PCNX1: variants seen among roughly 807,000 people sequenced by gnomAD.
PCNX1 encodes the protein pecanex-like protein 1.
PCNX1 carries 78 observed loss-of-function variants against 242.2 expected under a neutral mutation model. The ratio of observed to expected loss-of-function variants is 0.32; its 90% CI spans 0.27 to 0.39. The LOEUF is 0.39. Ranked by LOEUF, PCNX1 falls within the 10% of genes least tolerant of loss-of-function variation. The probability of loss-of-function intolerance (pLI) is 1.00; values close to 1 mark genes in which losing one functional copy is unlikely to be tolerated. For synonymous variants in PCNX1, 1,024 were observed against 1,032.9 expected (o/e 0.99, Z 0.17); for missense variants, 2,581 against 2,856.5 (o/e 0.90, Z 2.20).
intron 2 of PCNX1, among the ~76,000 whole-genome samples, chr14:70,954,089 G>A (rs574528104): frequency 4.9e-4 from 75 of 152,196 alleles, no homozygotes; most frequent in Non-Finnish European, 7.9e-4. Context: ...ATTTAAGTCT[G>A]TAGTATCAGG....
chr14:71,046,477 A>G (rs938916580), intron 20 of PCNX1, among the ~76,000 whole-genome samples: 11 of 152,164 alleles, frequency 7.2e-5, no homozygotes, highest in Admixed American at 4.6e-4. Context: ...TCCTAAAGCC[A>G]GGTGATGCTA....
chr14:71,057,255 C>G (rs140799923), intron 25 of PCNX1, among the ~76,000 whole-genome samples: 1 of 152,216 alleles, frequency 6.6e-6, no homozygotes, highest in African/African-American at 2.4e-5. Context: ...CCTTAGATTG[C>G]TTCAAATCAA....
In PCNX1 at chr14:71,057,561, C is replaced by T. The variant is rs2061216251; in HGVS notation, c.4689C>T (p.Ser1563=). 1 of 1,613,430 alleles carries T rather than the reference C, an allele frequency of 6.2e-7. No homozygotes were observed. The highest frequency in any genetic ancestry group is 1.7e-5 in the Admixed American group (1 of 60,004). The change falls in exon 26 of 36, where the codon TCC becomes TCT. Residue 1563 remains serine (S), a synonymous_variant. Transcript: ENST00000304743. The part of the protein sequence containing the change: ...NSIFYEHLTR[S]LQHSLCGDLL... ...TCTTTTATGAGCATTTAACTAGATC[C>T]CTACAGCACAGCCTCTGTGGTGATT...
intron 26 of PCNX1, among the ~76,000 whole-genome samples, 188 bp from the exon 27 acceptor site, chr14:71,073,357 A>G (rs182349119): frequency 7.2e-5 from 11 of 152,360 alleles, no homozygotes; most frequent in Non-Finnish European, 1.5e-4. Context: ...TTTGCAGGAT[A>G]TGAATATAGA....
intron 28 of PCNX1, among the ~76,000 whole-genome samples, chr14:71,079,224 C>G (rs1163998958): frequency 1.1e-4 from 17 of 152,090 alleles, no homozygotes; most frequent in African/African-American, 3.9e-4. Context: ...GTATATGTGT[C>G]ACATTTTATC....
At chr14:70,924,633 G>A (rs921678301) in intron 1 of PCNX1, among the ~76,000 whole-genome samples, 1 of 151,760 alleles carries the variant, frequency 6.6e-6, no homozygotes, top group African/African-American at 2.4e-5. Context: ...TCTCACCCAG[G>A]CTGGAGTGCA....
At chr14:70,979,418 T>A (rs1248856095) in intron 6 of PCNX1, among the ~76,000 whole-genome samples, 2 of 152,102 alleles carry the variant, frequency 1.3e-5, no homozygotes, top group African/African-American at 2.4e-5. Flanking sequence ...TGTGTTGGCC[T>A]CTTTATTTCA....
At chr14:71,085,064 C>T (rs369336371) in intron 28 of PCNX1, among the ~76,000 whole-genome samples, 1 of 152,218 alleles carries the variant, frequency 6.6e-6, no homozygotes, top group Admixed American at 6.5e-5. Flanking sequence ...CCTCACGGCA[C>T]GGTCCATCAC....
chr14:71,016,069 A>T (rs1326287711), intron 11 of PCNX1, among the ~76,000 whole-genome samples: 6 of 152,216 alleles, frequency 3.9e-5, no homozygotes, highest in Non-Finnish European at 1.5e-5. Flanking sequence ...GGAAAAAGAT[A>T]TACCATGCTA....
Position 71,088,393 on chromosome 14 carries a change from C to T in PCNX1, c.5401C>T (p.Arg1801Trp), listed in dbSNP as rs2062046010. The change falls in exon 29 of 36, where the codon CGG (arginine) becomes TGG (tryptophan). Residue 1801 changes from arginine to tryptophan, a missense_variant. Coordinates refer to ENST00000304743, the MANE Select transcript of PCNX1 (RefSeq NM_014982.3). ...CTGTTATGGACTCTGTGTTCTGGGA[C>T]GGAGAGCTTTGGGGACTGCATCCCA... ...TLCYGLCVLG[R>W]RALGTASHHM... is the part of the protein sequence containing the mutation. 1.2e-6 allele frequency: 2 copies of T among 1,611,566 alleles called. No individual in the cohort carries two copies. Among genetic ancestry groups the T allele is most frequent in the Non-Finnish European group, 8.5e-7 (1 of 1,177,956 alleles).
chr14:70,951,719 T>A (rs2057787872), intron 2 of PCNX1, among the ~76,000 whole-genome samples: 1 of 152,176 alleles, frequency 6.6e-6, no homozygotes, highest in East Asian at 1.9e-4. Flanking sequence ...TACTTACTTT[T>A]GTGAGATATC....
chr14:71,042,679 A>G (rs1384588775), intron 19 of PCNX1, among the ~76,000 whole-genome samples: 2 of 151,882 alleles, frequency 1.3e-5, no homozygotes, highest in Non-Finnish European at 2.9e-5. Flanking sequence ...ACACATCTGG[A>G]CAGTCTATAT....
At chr14:71,016,595 C>G (rs1422229851) in intron 11 of PCNX1, among the ~76,000 whole-genome samples, 1 of 152,100 alleles carries the variant, frequency 6.6e-6, no homozygotes, top group African/African-American at 2.4e-5. Flanking sequence ...TTGGAAAATT[C>G]CCAAATATTT....
At chr14:70,936,955 C>T (rs75666450) in intron 1 of PCNX1, among the ~76,000 whole-genome samples, 4,312 of 152,210 alleles carry the variant, frequency 0.028, 101 homozygotes, top group Non-Finnish European at 0.04. Context: ...TGTGTATATC[C>T]TTTGCCCACT....
At position 71,068,362 on chromosome 14, in the gene PCNX1, A is replaced by G. The variant is rs139925946; in HGVS notation, c.4853-5183A>G. ...TATATATATGTGTATATATATGTAT[A>G]CATACATGTATACATATATGTGTGT... is the stretch of plus-strand genomic sequence containing the variant. On this transcript the variant is annotated intron_variant, in intron 26 of 35. Coordinates refer to ENST00000304743, the MANE Select transcript of PCNX1 (RefSeq NM_014982.3). Among the ~76,000 whole-genome samples the G allele has an allele frequency of 2.2e-3, 339 of 151,094 alleles. 2 individuals are homozygous for G. Among genetic ancestry groups the G allele is most frequent in the African/African-American group, 7.9e-3 (326 of 41,270 alleles).
chr14:71,063,974 G>A (rs1427144276), intron 26 of PCNX1, among the ~76,000 whole-genome samples: 1 of 152,036 alleles, frequency 6.6e-6, no homozygotes, highest in Non-Finnish European at 1.5e-5. Flanking sequence ...ACTGATAAGT[G>A]TAAACTGTAC....
At chr14:70,916,686 T>G (rs1460339823) in intron 1 of PCNX1, among the ~76,000 whole-genome samples, 1 of 152,184 alleles carries the variant, frequency 6.6e-6, no homozygotes, top group Non-Finnish European at 1.5e-5. Flanking sequence ...GAGTTGTCAT[T>G]TTTTTGCTGG....
chr14:71,107,887 T>C (rs913608041), intron 33 of PCNX1, among the ~76,000 whole-genome samples: 12 of 152,362 alleles, frequency 7.9e-5, no homozygotes, highest in African/African-American at 2.9e-4. Flanking sequence ...CATGTTTTGA[T>C]ATGTGAATAT....
chr14:71,107,424 A>C (rs963836531), intron 33 of PCNX1, among the ~76,000 whole-genome samples: 4 of 152,134 alleles, frequency 2.6e-5, no homozygotes, highest in Non-Finnish European at 5.9e-5. Context: ...CATAATGAAT[A>C]ATTAAATATT....
Sources: gnomAD v4.1 joint callset for allele counts (sites outside exome capture counted in the v4.1 genomes callset) on GRCh38, gnomAD v4.1.1 for gene constraint, MANE v1.5 for transcripts, NCBI Gene and HGNC (gene_info 2026-07-23, HGNC 2026-07-21) for gene names.